The following SHC1 variants were observed in gnomAD, a reference collection of about 807,000 sequenced individuals.
SHC1 encodes SHC-transforming protein 1.
In SHC1, 30 loss-of-function variants were observed where a neutral mutation model predicts 55.9. The ratio of observed to expected loss-of-function variants is 0.54; its 90% CI spans 0.40 to 0.73. The LOEUF is 0.73. Among genes scored for constraint, SHC1 ranks in the 30% least tolerant of loss-of-function variants. SHC1 has a pLI of 0.00. For synonymous variants in SHC1, 309 were observed against 306.1 expected (o/e 1.01, Z -0.10); for missense variants, 675 against 777.1 (o/e 0.87, Z 1.56).
Position 154,965,985 on chromosome 1 carries a change from C to T in SHC1, c.1348G>A (p.Ala450Thr). ...TCCCGGGGTGCACTGCCATTGATAG[C>T]AGGATTGGGGGGCCCAGCACCACCC... is the stretch of plus-strand genomic sequence containing the variant. ...AVGGAGPPNP[A>T]INGSAPRDLF... is the part of the protein sequence containing the mutation. The change falls in exon 10 of 12, where the codon GCT (alanine) becomes ACT (threonine). Residue 450 changes from alanine to threonine, a missense_variant. Ala to Thr is a moderately conservative substitution (Grantham distance 58). This residue lies in a region of SHC1 where 360 missense variants were observed against 371.1 expected (regional missense o/e 0.97). Transcript: ENST00000448116. The T allele has an allele frequency of 6.2e-7, 1 of 1,613,866 alleles. No individual in the cohort carries two copies. The highest frequency in any genetic ancestry group is 1.1e-5 in the South Asian group (1 of 91,038).
At chr1:154,974,313 G>A (rs1013866266), upstream of SHC1, 10 of 274,680 alleles carry the variant, frequency 3.6e-5, no homozygotes, top group African/African-American at 2.0e-4. Context: ...GCCACTGCCA[G>A]CTTAGGTTAC....
chr1:154,968,856 G>C, intron 2 of SHC1, 22 bp from the exon 3 acceptor site: 2 of 1,610,970 alleles, frequency 1.2e-6, no homozygotes, highest in African/African-American at 2.7e-5. Context: ...GGGGTACTCA[G>C]ACCCAGCGCC....
In SHC1 at chr1:154,965,699, G is replaced by A. The variant is rs777435715; in HGVS notation, c.1470C>T (p.Phe490=). ...CCTCCCGCCGGCTCAGCTTCCCATGGAACCAGGGCTCCCCTCGGAGCTGCT... is the reference window on the plus strand; with the variant it reads ...CCTCCCGCCGGCTCAGCTTCCCATGAAACCAGGGCTCCCCTCGGAGCTGCT... The part of the protein sequence containing the change: ...MAEQLRGEPW[F]HGKLSRREAE... Residue 490 remains phenylalanine (F), a synonymous_variant, in exon 11 of 12, where the codon TTC becomes TTT. Coordinates refer to ENST00000448116, the MANE Select transcript of SHC1 (RefSeq NM_001130040.2). 1.9e-6 allele frequency: 3 copies of A among 1,614,186 alleles called. No homozygotes were observed. The highest frequency in any genetic ancestry group is 2.5e-6 in the Non-Finnish European group (3 of 1,180,028).
chr1:154,970,330 C>T lies in SHC1; in HGVS notation c.197G>A (p.Ser66Asn). 2 of 1,605,704 alleles carry T rather than the reference C, an allele frequency of 1.2e-6. No homozygotes were observed. Among genetic ancestry groups the T allele is most frequent in the South Asian group, 1.1e-5 (1 of 89,994 alleles). The part of the protein sequence containing the change: ...TTLCSFFPRM[S>N]NLRLANPAGG... ...AGCCGGGTTGGCCAGCCTCAGGTTG[C>T]TCATCCGGGGGAAGAAGGAGCACAG... The change falls in exon 1 of 12, where the codon AGC (serine) becomes AAC (asparagine). Residue 66 changes from serine (S) to asparagine (N), a missense_variant. Around this residue, in one of 3 missense-constraint regions of SHC1, gnomAD observed 156 missense variants for 159.1 expected, o/e 0.98. Coordinates refer to ENST00000448116, the MANE Select transcript of SHC1 (RefSeq NM_001130040.2). This position sits in a 1 kb window ranked among gnomAD's most constrained non-coding sequence, Gnocchi z 5.5.
Position 154,968,777 on chromosome 1 carries a change from C to G in SHC1, c.624G>C (p.Arg208Ser), listed in dbSNP as rs76505256. The change falls in exon 3 of 12, where the codon AGG (arginine) becomes AGC (serine). Residue 208 changes from arginine to serine, a missense_variant. Coordinates refer to ENST00000448116, the MANE Select transcript of SHC1 (RefSeq NM_001130040.2). ...CCCCAAGGACCCCAAGTACCTTTCT[C>G]CTCCTTGTCGCCCCCTTAGCACCCG... Reference protein sequence around the residue: ...AVPGAKGATRRRKPCSRPLSS... With the variant: ...AVPGAKGATRSRKPCSRPLSS... 2 of 1,614,000 alleles carry G rather than the reference C, an allele frequency of 1.2e-6. No individual in the cohort carries two copies. The highest frequency in any genetic ancestry group is 1.7e-6 in the Non-Finnish European group (2 of 1,179,902).
chr1:154,965,748 G>A lies in SHC1; in HGVS notation c.1421C>T (p.Pro474Leu), dbSNP rs1003722034. 4 of 1,613,788 alleles carry A rather than the reference G, an allele frequency of 2.5e-6. No homozygotes were observed. Among genetic ancestry groups the A allele is most frequent in the Non-Finnish European group, 3.4e-6 (4 of 1,179,816 alleles). ...CTCAGCCATGGACACCGACTGGGGA[G>A]GTGGAGGCACGCGAAGAGCATCTTC... ...PFEDALRVPP[P>L]PQSVSMAEQL... The change falls in exon 11 of 12, where the codon CCT becomes CTT. Residue 474 changes from proline to leucine, a missense_variant. Transcript: ENST00000448116.
chr1:154,964,072 C>T (rs757670809), intron 11 of SHC1, 141 bp from the exon 12 acceptor site: 1 of 864,992 alleles, frequency 1.2e-6, no homozygotes, highest in Non-Finnish European at 2.0e-6. Context: ...CCTGTCAATC[C>T]TGATCATTGA....
upstream of SHC1, among the ~76,000 whole-genome samples, chr1:154,971,505 T>C (rs1183820159): frequency 6.6e-6 from 1 of 152,170 alleles, no homozygotes; most frequent in African/African-American, 2.4e-5. Flanking sequence ...CGATGGCTCA[T>C]AGCCAAGCAC....
At chr1:154,967,885 C>T (rs1365133221) in intron 6 of SHC1, 88 bp from the exon 7 acceptor site, 3 of 1,603,640 alleles carry the variant, frequency 1.9e-6, no homozygotes, top group Non-Finnish European at 2.6e-6. Flanking sequence ...CAGGAACCCC[C>T]ACTGAGATCT....
At chr1:154,968,675 T>A in intron 3 of SHC1, 61 bp from the exon 4 acceptor site, 2 of 1,612,186 alleles carry the variant, frequency 1.2e-6, no homozygotes, top group Non-Finnish European at 8.5e-7. Context: ...ACCACACTTT[T>A]GCCTCCTGGC....
chr1:154,968,180 C>T (rs1275564038), intron 5 of SHC1, 24 bp downstream of exon 5: 1 of 1,612,810 alleles, frequency 6.2e-7, no homozygotes. Flanking sequence ...TCTCCCACCG[C>T]CTTTGCTCTG....
At chr1:154,969,207 G>C (rs950207487) in intron 2 of SHC1, among the ~76,000 whole-genome samples, 171 bp downstream of exon 2, 2 of 152,148 alleles carry the variant, frequency 1.3e-5, no homozygotes, top group African/African-American at 4.8e-5. Context: ...CCGGGCCAAA[G>C]GGGCCTCCTT....
Position 154,965,680 on chromosome 1 carries a change from G to C in SHC1, c.1489C>G (p.Arg497Gly). Residue 497 changes from arginine (R) to glycine (G), a missense_variant, in exon 11 of 12, where the codon CGG (arginine) becomes GGG (glycine). Physicochemically the swap from Arg to Gly is moderately radical, Grantham distance 125 (BLOSUM62 -2). Around this residue, in one of 3 missense-constraint regions of SHC1, gnomAD observed 360 missense variants for 371.1 expected, o/e 0.97. Coordinates refer to ENST00000448116, the MANE Select transcript of SHC1 (RefSeq NM_001130040.2). ...EPWFHGKLSR[R>G]EAEALLQLNG... Reference sequence around the variant, plus strand: ...AGCTGCAGCAGTGCCTCAGCCTCCCGCCGGCTCAGCTTCCCATGGAACCAG... The same window carrying C: ...AGCTGCAGCAGTGCCTCAGCCTCCCCCCGGCTCAGCTTCCCATGGAACCAG... The C allele has an allele frequency of 6.2e-7, 1 of 1,614,134 alleles. No homozygotes were observed. The highest frequency in any genetic ancestry group is 8.5e-7 in the Non-Finnish European group (1 of 1,180,012).
intron 2 of SHC1, 77 bp from the exon 3 acceptor site, chr1:154,968,911 G>T: frequency 7.4e-7 from 1 of 1,349,974 alleles, no homozygotes. Flanking sequence ...CAGGGCTGGG[G>T]GAGGGGAAAG....
upstream of SHC1, among the ~76,000 whole-genome samples, chr1:154,973,796 G>A (rs932272778): frequency 1.3e-5 from 2 of 152,218 alleles, no homozygotes; most frequent in African/African-American, 4.8e-5. Context: ...TCAGACTTCT[G>A]GGCGGGGAGG....
In SHC1 at chr1:154,963,777, C is replaced by A. The variant is rs1055013843; in HGVS notation, c.*26G>T. 6.2e-7 allele frequency: 1 copy of A among 1,611,872 alleles called. No homozygotes were observed. The highest frequency in any genetic ancestry group is 8.5e-7 in the Non-Finnish European group (1 of 1,179,224). On this transcript the variant is annotated 3_prime_UTR_variant, in exon 12 of 12. Coordinates refer to ENST00000448116, the MANE Select transcript of SHC1 (RefSeq NM_001130040.2). ...TAGGGTGGAAAGGATTGGAGGGCAT[C>A]TTCTGGAAGAGAGCGCTAGGGCAGA... is the stretch of plus-strand genomic sequence containing the variant.
chr1:154,972,199 C>T (rs1288365774), upstream of SHC1, among the ~76,000 whole-genome samples: 1 of 150,906 alleles, frequency 6.6e-6, no homozygotes, highest in South Asian at 2.1e-4. Context: ...GAGCCGAGAT[C>T]GAGCCATTGC....
Position 154,970,678 on chromosome 1 carries a change from GCTTCCGCTCC to G in SHC1, c.-162_-153del. ...TCCTGGGGAGGGAGAGGGACAAGTG[GCTTCCGCTCC>G]CCAGCTCAGACCCAGACAGTTTCAG... On this transcript the variant is annotated 5_prime_UTR_variant, in exon 1 of 12. Coordinates refer to ENST00000448116, the MANE Select transcript of SHC1 (RefSeq NM_001130040.2). This position sits in a 1 kb window ranked among gnomAD's most constrained non-coding sequence, Gnocchi z 5.5. The G allele has an allele frequency of 1.8e-6, 1 of 570,752 alleles. No individual in the cohort carries two copies. Among genetic ancestry groups the G allele is most frequent in the South Asian group, 2.2e-5 (1 of 46,104 alleles). The allele number at this position is 570,752 out of a possible 1,614,324, so 35.4% of individuals were successfully genotyped here.
chr1:154,970,561 GCCC>G lies in SHC1; in HGVS notation c.-38_-36del. 1.9e-6 allele frequency: 3 copies of G among 1,541,898 alleles called. No individual in the cohort carries two copies. Among genetic ancestry groups the G allele is most frequent in the Non-Finnish European group, 2.6e-6 (3 of 1,149,112 alleles). On this transcript the variant is annotated 5_prime_UTR_variant, in exon 1 of 12. Coordinates refer to ENST00000448116, the MANE Select transcript of SHC1 (RefSeq NM_001130040.2). The surrounding 1 kb of genome is among the most constrained non-coding windows in gnomAD (Gnocchi z 5.5). ...GAAAGAGGGGCTGCTGCCCAGCCTGGCCCCCCTGCCAGTTTGGGCAAGGGGGCC... is the reference window on the plus strand; with the variant it reads ...GAAAGAGGGGCTGCTGCCCAGCCTGGCCCTGCCAGTTTGGGCAAGGGGGCC...
Sources: allele counts gnomAD v4.1 joint callset (sites outside exome capture counted in the v4.1 genomes callset), GRCh38; gene constraint gnomAD v4.1.1; regional missense constraint gnomAD v4.1.1; non-coding constraint Gnocchi (gnomAD v3.1); transcripts MANE v1.5; gene names NCBI Gene and HGNC (gene_info 2026-07-23, HGNC 2026-07-21).